The following ITGAV variants were observed in gnomAD, a reference collection of about 807,000 sequenced individuals.
The protein encoded by ITGAV is integrin alpha-V.
In ITGAV, 76 loss-of-function variants were observed where a neutral mutation model predicts 143.8. The ratio of observed to expected loss-of-function variants is 0.53; its 90% CI spans 0.44 to 0.64. The LOEUF is 0.64. Among genes scored for constraint, ITGAV ranks in the 30% least tolerant of loss-of-function variants. ITGAV has a pLI of 0.00. For synonymous variants in ITGAV, 453 were observed against 446.7 expected (o/e 1.01, Z -0.18); for missense variants, 1,193 against 1,274.7 (o/e 0.94, Z 0.98).
At chr2:186,677,113 T>C in intron 29 of ITGAV, 84 bp from the exon 30 acceptor site, 1 of 1,292,824 alleles carries the variant, frequency 7.7e-7, no homozygotes, top group Admixed American at 2.0e-5. Flanking sequence ...TTAAATGTTC[T>C]TAGTGGTAAT....
chr2:186,623,851 A>C (rs1687600630), intron 3 of ITGAV, among the ~76,000 whole-genome samples: 1 of 152,098 alleles, frequency 6.6e-6, no homozygotes, highest in Non-Finnish European at 1.5e-5. Context: ...CGCTATTTCT[A>C]CCCTGCAACA....
Position 186,676,828 on chromosome 2 carries a change from AC to A in ITGAV, c.2946del (p.Trp983GlyfsTer14), listed in dbSNP as rs775244961. The A allele has an allele frequency of 6.2e-7, 1 of 1,614,020 alleles. No individual in the cohort carries two copies. Among genetic ancestry groups the A allele is most frequent in the Non-Finnish European group, 8.5e-7 (1 of 1,179,926 alleles). On this transcript the variant is annotated frameshift_variant, in exon 29 of 30. Coordinates refer to ENST00000261023, the MANE Select transcript of ITGAV (RefSeq NM_002210.5). LOFTEE classifies it high-confidence loss of function. Reference protein sequence around the residue: ...TNSTLVTTNVTWGIQPAPMPV... With the variant: ...TNSTLVTTNVXWGIQPAPMPV... Reference sequence around the variant, plus strand: ...TCCTCGATAGGTTACCACTAATGTCACCTGGGGCATTCAGCCAGCGCCCATG... The same window carrying A: ...TCCTCGATAGGTTACCACTAATGTCACTGGGGCATTCAGCCAGCGCCCATG...
At chr2:186,625,738 C>A in intron 4 of ITGAV, 151 bp downstream of exon 4, 1 of 460,886 alleles carries the variant, frequency 2.2e-6, no homozygotes, top group Non-Finnish European at 3.8e-6. Flanking sequence ...TGAAAACAAT[C>A]CTACTAATGT....
intron 2 of ITGAV, among the ~76,000 whole-genome samples, chr2:186,614,597 C>T (rs912346505): frequency 6.6e-6 from 1 of 151,728 alleles, no homozygotes; most frequent in Non-Finnish European, 1.5e-5. Context: ...TTTTAATTTA[C>T]ATTTCTGTCA....
chr2:186,638,481 A>G lies in ITGAV; in HGVS notation c.903+16A>G, dbSNP rs1211915699. On this transcript the variant is annotated intron_variant, in intron 10 of 29. Coordinates refer to ENST00000261023, the MANE Select transcript of ITGAV (RefSeq NM_002210.5). ...TGGCGAGCAGGTATGCTTCCAAAAT[A>G]TGATCGTCCTCTCCCACTATAAAAG... is the stretch of plus-strand genomic sequence containing the variant. The G allele has an allele frequency of 1.9e-6, 3 of 1,599,344 alleles. No homozygotes were observed. The highest frequency in any genetic ancestry group is 2.6e-6 in the Non-Finnish European group (3 of 1,168,664).
rs530438043 is a variant in ITGAV, at chr2:186,646,440, G to A, written c.1160-246G>A. On this transcript the variant is annotated intron_variant, in intron 12 of 29. Coordinates refer to ENST00000261023, the MANE Select transcript of ITGAV (RefSeq NM_002210.5). Reference sequence around the variant, plus strand: ...GTCTTTTCTGTACAGTTTTGCTTGAGTTTCCTTGAATTAGATTATTGCTTA... The same window carrying A: ...GTCTTTTCTGTACAGTTTTGCTTGAATTTCCTTGAATTAGATTATTGCTTA... 5.3e-5 allele frequency among the ~76,000 whole-genome samples: 8 copies of A among 152,170 alleles called. No homozygotes were observed. The East Asian group carries it at 1.5e-3, about 29-fold the overall frequency.
intron 2 of ITGAV, among the ~76,000 whole-genome samples, chr2:186,621,336 G>A (rs1363775660): frequency 6.6e-6 from 1 of 152,108 alleles, no homozygotes; most frequent in Non-Finnish European, 1.5e-5. Context: ...ACTTGAGCAT[G>A]TATCTCCTAA....
chr2:186,601,615 A>G (rs1445664258), intron 1 of ITGAV, among the ~76,000 whole-genome samples: 3 of 152,076 alleles, frequency 2.0e-5, no homozygotes, highest in Admixed American at 1.3e-4. Context: ...TAGAAAATGC[A>G]TAGTAATTCT....
At chr2:186,647,084 A>G (rs1688284233) in intron 13 of ITGAV, among the ~76,000 whole-genome samples, 1 of 152,184 alleles carries the variant, frequency 6.6e-6, no homozygotes, top group African/African-American at 2.4e-5. Flanking sequence ...TGTACAGTGT[A>G]CTCTGAGTTT....
At chr2:186,664,282 G>A (rs559055244) in intron 19 of ITGAV, among the ~76,000 whole-genome samples, 1 of 152,234 alleles carries the variant, frequency 6.6e-6, no homozygotes, top group South Asian at 2.1e-4. Context: ...TATATTAGTG[G>A]CATCAATGTT....
chr2:186,649,483 TAGAA>T (rs1688365228), intron 13 of ITGAV, among the ~76,000 whole-genome samples: 1 of 152,060 alleles, frequency 6.6e-6, no homozygotes, highest in Non-Finnish European at 1.5e-5. Flanking sequence ...ATATAGAAAA[TAGAA>T]AGGAAATTTT....
intron 26 of ITGAV, among the ~76,000 whole-genome samples, 171 bp from the exon 27 acceptor site, chr2:186,675,433 C>T (rs577694512): frequency 3.3e-5 from 5 of 152,266 alleles, no homozygotes; most frequent in South Asian, 4.1e-4. Flanking sequence ...CCAACCCCTT[C>T]ACAATAAAAA....
At chr2:186,649,785 T>C (rs565870637) in intron 13 of ITGAV, 55 bp from the exon 14 acceptor site, 1,083 of 1,174,680 alleles carry the variant, frequency 9.2e-4, no homozygotes, top group Middle Eastern at 5.1e-3. Context: ...TAGAATGGTA[T>C]ATACATTTTA....
intron 20 of ITGAV, among the ~76,000 whole-genome samples, 163 bp from the exon 21 acceptor site, chr2:186,664,963 C>G (rs553469340): frequency 1.3e-5 from 2 of 152,314 alleles, no homozygotes; most frequent in South Asian, 4.1e-4. Context: ...AGAAACACTT[C>G]TGCATTTCCA....
At chr2:186,638,883 C>T (rs1574483287) in intron 10 of ITGAV, among the ~76,000 whole-genome samples, 1 of 143,776 alleles carries the variant, frequency 7.0e-6, no homozygotes, top group African/African-American at 2.6e-5. Flanking sequence ...GATATTTTGG[C>T]TTGTTTTTGT....
chr2:186,600,460 CT>C, intron 1 of ITGAV: 1 of 1,515,256 alleles, frequency 6.6e-7, no homozygotes, highest in Non-Finnish European at 9.0e-7. Context: ...AGATGATTTC[CT>C]TAGAGAGACT....
chr2:186,664,605 G>A lies in ITGAV; in HGVS notation c.2037G>A (p.Leu679=). The A allele has an allele frequency of 6.2e-7, 1 of 1,614,066 alleles. No individual in the cohort carries two copies. Among genetic ancestry groups the A allele is most frequent in the Non-Finnish European group, 8.5e-7 (1 of 1,179,968 alleles). The change falls in exon 20 of 30, where the codon CTG becomes CTA. Residue 679 remains leucine (L), a synonymous_variant. Transcript: ENST00000261023. ...YEAELIVSIP[L]QADFIGVVRN... ...CTGAGCTCATCGTTTCCATTCCACT[G>A]CAGGCTGATTTCATCGGGGTTGTCC... is the stretch of plus-strand genomic sequence containing the variant.
intron 18 of ITGAV, chr2:186,660,437 T>C (rs1033253618): frequency 6.6e-6 from 1 of 152,204 alleles, no homozygotes. Flanking sequence ...TTTAGGTATG[T>C]TTCTTTCTGC....
intron 6 of ITGAV, 42 bp from the exon 7 acceptor site, chr2:186,636,040 C>A (rs756796092): frequency 1.3e-6 from 2 of 1,562,458 alleles, no homozygotes; most frequent in East Asian, 2.3e-5. Flanking sequence ...CATAAAGTTT[C>A]CATTTGAAGG....
Sources: gnomAD v4.1 joint callset for allele counts (sites outside exome capture counted in the v4.1 genomes callset) on GRCh38, gnomAD v4.1.1 for gene constraint, MANE v1.5 for transcripts, NCBI Gene and HGNC (gene_info 2026-07-23, HGNC 2026-07-21) for gene names.